SYNPR: variants seen among roughly 807,000 people sequenced by gnomAD.
SYNPR encodes the protein synaptoporin.
A neutral mutation model predicts 32.9 loss-of-function variants in SYNPR; 23 were observed. That is an observed-to-expected ratio of 0.70 (90% confidence interval 0.50 to 0.99). The LOEUF (loss-of-function observed/expected upper bound fraction) is 0.99, where lower values mean the gene tolerates loss of function less well. Ranked by LOEUF, SYNPR falls within the 50% of genes least tolerant of loss-of-function variation. SYNPR has a pLI of 0.00. For missense variants in SYNPR, 318 were observed against 349.3 expected (o/e 0.91, Z 0.71); for synonymous variants, 146 against 135.9 (o/e 1.07, Z -0.52).
chr3:63,235,713 C>G (rs139032176), intron 1 of SYNPR, among the ~76,000 whole-genome samples: 1 of 152,070 alleles, frequency 6.6e-6, no homozygotes, highest in Non-Finnish European at 1.5e-5. Flanking sequence ...CTTATTTGGT[C>G]TCATTTCTAA....
chr3:63,410,387 T>A (rs937010218), intron 2 of SYNPR, among the ~76,000 whole-genome samples: 2 of 152,186 alleles, frequency 1.3e-5, no homozygotes, highest in Non-Finnish European at 2.9e-5. Context: ...GAGTTTACAA[T>A]TGGTTTTTAA....
chr3:63,582,810 T>C (rs1703115052), intron 4 of SYNPR, among the ~76,000 whole-genome samples: 1 of 152,074 alleles, frequency 6.6e-6, no homozygotes, highest in South Asian at 2.1e-4. Flanking sequence ...CCCTGGATAA[T>C]TTACTAAACC....
intron 2 of SYNPR, among the ~76,000 whole-genome samples, chr3:63,254,559 C>T (rs1437482873): frequency 1.3e-5 from 2 of 152,064 alleles, no homozygotes; most frequent in East Asian, 1.9e-4. Flanking sequence ...GCACTGAGTA[C>T]GTGTTAGACC....
At chr3:63,541,133 C>T (rs924133725) in intron 3 of SYNPR, among the ~76,000 whole-genome samples, 2 of 151,474 alleles carry the variant, frequency 1.3e-5, no homozygotes, top group Admixed American at 1.3e-4. Flanking sequence ...GAATGTCAGA[C>T]TTCCATTTTG....
chr3:63,318,622 T>C (rs1297695545), intron 2 of SYNPR, among the ~76,000 whole-genome samples: 1 of 152,042 alleles, frequency 6.6e-6, no homozygotes, highest in Admixed American at 6.6e-5. Flanking sequence ...GTTTTTTCTT[T>C]AAGCTACCTA....
At chr3:63,573,863 G>C (rs1360346788) in intron 4 of SYNPR, among the ~76,000 whole-genome samples, 1 of 152,122 alleles carries the variant, frequency 6.6e-6, no homozygotes, top group Non-Finnish European at 1.5e-5. Context: ...CCGCCAAATT[G>C]AGTCAGATTT....
chr3:63,493,013 T>G (rs2106719378), intron 3 of SYNPR, among the ~76,000 whole-genome samples: 1 of 152,194 alleles, frequency 6.6e-6, no homozygotes, highest in East Asian at 1.9e-4. Context: ...GTGTGGTGCC[T>G]GCACCATGGT....
upstream of SYNPR, among the ~76,000 whole-genome samples, chr3:63,223,509 C>A (rs571924160): frequency 2.0e-5 from 3 of 152,002 alleles, no homozygotes; most frequent in South Asian, 6.3e-4. Flanking sequence ...TTTGTGGCAG[C>A]CACAATGGTG....
At position 63,446,187 on chromosome 3, in the gene SYNPR, G is replaced by A. The variant is rs188041346; in HGVS notation, c.85-34645G>A. Among the ~76,000 whole-genome samples, 33 of 151,908 alleles carry A rather than the reference G, an allele frequency of 2.2e-4. No individual in the cohort carries two copies. The East Asian group carries it at 3.9e-3, about 18-fold the overall frequency. On this transcript the variant is annotated intron_variant, in intron 2 of 5. Coordinates refer to ENST00000478300, the MANE Select transcript of SYNPR (RefSeq NM_001130003.2). ...ATCAATATCTCAAGGCAGCTGGTTCGTCATTGGTGCAAAATATAAAAAGCA... is the reference window on the plus strand; with the variant it reads ...ATCAATATCTCAAGGCAGCTGGTTCATCATTGGTGCAAAATATAAAAAGCA...
chr3:63,201,073 T>C, the SYNPR span, among the ~76,000 whole-genome samples: 1 of 152,162 alleles, frequency 6.6e-6, no homozygotes. Flanking sequence ...GAATATAGCA[T>C]AGAGCCAAAA....
intron 2 of SYNPR, among the ~76,000 whole-genome samples, chr3:63,296,509 A>G (rs2086792737): frequency 6.6e-6 from 1 of 152,148 alleles, no homozygotes. Flanking sequence ...TTGGAAATTA[A>G]CCTTAGCTTG....
Position 63,433,758 on chromosome 3 carries a change from A to AT in SYNPR, c.85-47068dup, listed in dbSNP as rs1306996028. Among the ~76,000 whole-genome samples the AT allele has an allele frequency of 5.3e-5, 8 of 152,158 alleles. No homozygotes were observed. The South Asian group carries it at 8.3e-4, about 16-fold the overall frequency. ...AAGAAGCCTCACCCAGATAGGAGGG[A>AT]TTTTTTGGTTAATAAAATTGTAGAA... is the stretch of plus-strand genomic sequence containing the variant. On this transcript the variant is annotated intron_variant, in intron 2 of 5. Coordinates refer to ENST00000478300, the MANE Select transcript of SYNPR (RefSeq NM_001130003.2).
chr3:63,531,146 G>C (rs1424173562), intron 3 of SYNPR, among the ~76,000 whole-genome samples: 1 of 152,152 alleles, frequency 6.6e-6, no homozygotes, highest in Non-Finnish European at 1.5e-5. Flanking sequence ...CTGGAAGACT[G>C]TCACAAGTAT....
chr3:63,278,690 G>T lies in SYNPR; in HGVS notation c.32G>T (p.Gly11Val), dbSNP rs1188299585. The part of the protein sequence containing the change: MDPVSQLASA[G>V]TFRVLKEPLA... ...ATTCCCCCAAAGCTGGCCTCTGCGGGCACCTTCCGGGTGCTGAAGGAGCCC... is the reference window on the plus strand; with the variant it reads ...ATTCCCCCAAAGCTGGCCTCTGCGGTCACCTTCCGGGTGCTGAAGGAGCCC... Residue 11 changes from glycine (G) to valine (V), a missense_variant, in exon 2 of 6, where the codon GGC becomes GTC. By Grantham distance (109) the Gly-to-Val change is moderately radical (BLOSUM62 -3). Coordinates refer to ENST00000478300, the MANE Select transcript of SYNPR (RefSeq NM_001130003.2). 1.3e-6 allele frequency: 2 copies of T among 1,551,592 alleles called. No homozygotes were observed. The highest frequency in any genetic ancestry group is 2.0e-5 in the Admixed American group (1 of 50,986).
chr3:63,576,085 GA>G (rs1312102447), intron 4 of SYNPR, among the ~76,000 whole-genome samples: 3 of 152,022 alleles, frequency 2.0e-5, no homozygotes, highest in Admixed American at 1.3e-4. Flanking sequence ...CAGCTACAAA[GA>G]AATCCCCAAA....
At chr3:63,516,413 C>G (rs1701801469) in intron 3 of SYNPR, among the ~76,000 whole-genome samples, 2 of 152,054 alleles carry the variant, frequency 1.3e-5, no homozygotes, top group South Asian at 4.1e-4. Flanking sequence ...TCAGTTGTTT[C>G]AGGATCAAGT....
chr3:63,241,326 C>G (rs938008856), intron 1 of SYNPR, among the ~76,000 whole-genome samples: 1 of 152,142 alleles, frequency 6.6e-6, no homozygotes, highest in Non-Finnish European at 1.5e-5. Context: ...CAGCTATTTC[C>G]TCTTTACCAA....
At chr3:63,509,014 A>G (rs1418050597) in intron 3 of SYNPR, among the ~76,000 whole-genome samples, 1 of 152,078 alleles carries the variant, frequency 6.6e-6, no homozygotes, top group Non-Finnish European at 1.5e-5. Context: ...AATGGAAAGA[A>G]CATAAAACTT....
chr3:63,608,344 T>C (rs1209034298), intron 4 of SYNPR, among the ~76,000 whole-genome samples: 1 of 152,198 alleles, frequency 6.6e-6, no homozygotes, highest in Non-Finnish European at 1.5e-5. Flanking sequence ...AGATTTGAAT[T>C]CTGGCTCTGC....
Sources: gnomAD v4.1 joint callset for allele counts (sites outside exome capture counted in the v4.1 genomes callset) on GRCh38, gnomAD v4.1.1 for gene constraint, MANE v1.5 for transcripts, NCBI Gene and HGNC (gene_info 2026-07-23, HGNC 2026-07-21) for gene names.